The following MX1 variants were observed in gnomAD, a reference collection of about 807,000 sequenced individuals.
MX1 encodes interferon-induced GTP-binding protein Mx1.
Under a neutral mutation model 66.4 loss-of-function variants are expected in MX1, and 66 were observed. The observed-to-expected ratio is 0.99, with a 90% CI of 0.82 to 1.22. The LOEUF (loss-of-function observed/expected upper bound fraction) is 1.22, where lower values mean the gene tolerates loss of function less well. Ranked by LOEUF, MX1 falls within the 50% of genes most tolerant of loss-of-function variation. The pLI, the probability that MX1 is intolerant of heterozygous loss-of-function variation, is 0.00. For synonymous variants in MX1, 311 were observed against 318.1 expected (o/e 0.98, Z 0.24); for missense variants, 787 against 834.3 (o/e 0.94, Z 0.70).
chr21:41,438,411 T>C (rs2090420923), intron 7 of MX1, among the ~76,000 whole-genome samples: 1 of 152,212 alleles, frequency 6.6e-6, no homozygotes, highest in South Asian at 2.1e-4. Context: ...CTAGCTGGGC[T>C]GGGGCTGATG....
intron 7 of MX1, among the ~76,000 whole-genome samples, chr21:41,438,315 G>A (rs1296651474): frequency 6.6e-6 from 1 of 152,260 alleles, no homozygotes; most frequent in Non-Finnish European, 1.5e-5. Flanking sequence ...AGCCCTTGCT[G>A]TATAACAAAC....
chr21:41,429,236 C>G (rs1233984589), intron 3 of MX1: 2 of 152,220 alleles, frequency 1.3e-5, no homozygotes, highest in Non-Finnish European at 2.9e-5. Flanking sequence ...GATTGCCCTG[C>G]CCCTGAAATC....
rs545554440 is a variant in MX1 at position 41,435,950 on chromosome 21, C to T, written c.219C>T (p.Ile73=). 2.2e-5 allele frequency: 36 copies of T among 1,614,134 alleles called. No individual in the cohort carries two copies. Among genetic ancestry groups the T allele is most frequent in the Non-Finnish European group, 2.8e-5 (33 of 1,180,046 alleles). Residue 73 remains isoleucine, a synonymous_variant, in exon 6 of 17, where the codon ATC becomes ATT. Coordinates refer to ENST00000398598, the MANE Select transcript of MX1 (RefSeq NM_002462.5). ...AGCAGGACCTGGCCCTGCCAGCCAT[C>T]GCCGTCATCGGGGACCAGAGCTCGG... is the stretch of plus-strand genomic sequence containing the variant. ...GVEQDLALPA[I]AVIGDQSSGK... is the part of the protein sequence containing the mutation.
chr21:41,444,318 C>CTTTTTTTTTTTTTTTTTTTTTT (rs11317486), intron 11 of MX1, among the ~76,000 whole-genome samples: 1 of 71,526 alleles, frequency 1.4e-5, no homozygotes, highest in Admixed American at 2.0e-4. Flanking sequence ...TCTTTTCTTT[C>CTTTTTTTTTTTTTTTTTTTTTT]TTTTTTTTTT....
upstream of MX1, among the ~76,000 whole-genome samples, chr21:41,423,875 A>G (rs552759969): frequency 6.6e-6 from 1 of 152,216 alleles, no homozygotes; most frequent in South Asian, 2.1e-4. Flanking sequence ...CATTGCACCA[A>G]CTGGGAGTGA....
chr21:41,445,838 A>G (rs2090646112), intron 12 of MX1, 162 bp from the exon 13 acceptor site: 2 of 945,298 alleles, frequency 2.1e-6, no homozygotes, highest in African/African-American at 1.7e-5. Flanking sequence ...GGGGTGGGAT[A>G]GGATTTTCTA....
chr21:41,436,604 G>A (rs1327431236), intron 6 of MX1, among the ~76,000 whole-genome samples: 2 of 152,200 alleles, frequency 1.3e-5, no homozygotes, highest in East Asian at 3.8e-4. Context: ...GTTTACAGTA[G>A]GAGGACTGTT....
At chr21:41,455,868 A>G (rs574011502) in intron 16 of MX1, among the ~76,000 whole-genome samples, 2 of 152,364 alleles carry the variant, frequency 1.3e-5, no homozygotes, top group Admixed American at 1.3e-4. Context: ...ATGTATCTGG[A>G]AGCATCAATT....
chr21:41,446,084 A>G lies in MX1; in HGVS notation c.1216A>G (p.Arg406Gly), dbSNP rs997535288. ...GGAGGAAGACATTCGGCTGTTTACC[A>G]GACTCCGACACGAGTTCCACAAATG... ...VGEEDIRLFT[R>G]LRHEFHKWST... Residue 406 changes from arginine (R) to glycine (G), a missense_variant, in exon 13 of 17, where the codon AGA becomes GGA. Transcript: ENST00000398598. 3.1e-6 allele frequency: 5 copies of G among 1,614,224 alleles called. No individual in the cohort carries two copies. Among genetic ancestry groups the G allele is most frequent in the Non-Finnish European group, 4.2e-6 (5 of 1,180,034 alleles).
At chr21:41,425,629 A>T (rs1238028153), upstream of MX1, among the ~76,000 whole-genome samples, 1 of 152,004 alleles carries the variant, frequency 6.6e-6, no homozygotes, top group East Asian at 1.9e-4. Flanking sequence ...TTACTATTTT[A>T]TTTATTTTAT....
Position 41,452,794 on chromosome 21 carries a change from T to G in MX1, c.1683T>G (p.Phe561Leu), listed in dbSNP as rs769240669. The G allele has an allele frequency of 1.7e-5, 28 of 1,614,038 alleles. No homozygotes were observed. Among genetic ancestry groups the G allele is most frequent in the African/African-American group, 2.7e-5 (2 of 74,906 alleles). ...AAAAGAAGAAGAAATCCTGGGATTTTGGGGCTTTCCAGTCCAGCTCGGCAA... is the reference window on the plus strand; with the variant it reads ...AAAAGAAGAAGAAATCCTGGGATTTGGGGGCTTTCCAGTCCAGCTCGGCAA... Reference protein sequence around the residue: ...EEEKKKKSWDFGAFQSSSATD... With the variant: ...EEEKKKKSWDLGAFQSSSATD... The change falls in exon 16 of 17, where the codon TTT (phenylalanine) becomes TTG (leucine). Residue 561 changes from phenylalanine (F) to leucine (L), a missense_variant. Coordinates refer to ENST00000398598, the MANE Select transcript of MX1 (RefSeq NM_002462.5).
At chr21:41,421,049 AT>A (rs1372248017) in intron 1 of MX1, among the ~76,000 whole-genome samples, 1 of 152,238 alleles carries the variant, frequency 6.6e-6, no homozygotes, top group African/African-American at 2.4e-5. Context: ...TTTATTGATC[AT>A]TTGTGGGTGT....
rs78684325 is a variant in MX1 at position 41,432,197 on chromosome 21, G to A, written c.105+22G>A. 7.9e-4 allele frequency: 1,277 copies of A among 1,608,324 alleles called. 9 individuals are homozygous for A. The East Asian group carries it at 0.023, about 30-fold the overall frequency. The stretch of plus-strand genomic sequence containing the variant: ...CTCGGTAAGTTGCTCTCTGAAAGTC[G>A]CTATCCATGTGACATGAGCCATGCC... On this transcript the variant is annotated intron_variant, in intron 5 of 16. Coordinates refer to ENST00000398598, the MANE Select transcript of MX1 (RefSeq NM_002462.5).
At position 41,446,085 on chromosome 21, in the gene MX1, G is replaced by C; in HGVS notation, c.1217G>C (p.Arg406Thr). 6.2e-7 allele frequency: 1 copy of C among 1,614,190 alleles called. No homozygotes were observed. Among genetic ancestry groups the C allele is most frequent in the Non-Finnish European group, 8.5e-7 (1 of 1,180,034 alleles). The change falls in exon 13 of 17, where the codon AGA becomes ACA. Residue 406 changes from arginine (R) to threonine (T), a missense_variant. Physicochemically the swap from Arg to Thr is moderately conservative, Grantham distance 71 (BLOSUM62 -1). Coordinates refer to ENST00000398598, the MANE Select transcript of MX1 (RefSeq NM_002462.5). ...GAGGAAGACATTCGGCTGTTTACCA[G>C]ACTCCGACACGAGTTCCACAAATGG... The part of the protein sequence containing the change: ...VGEEDIRLFT[R>T]LRHEFHKWST...
chr21:41,455,113 T>A (rs2090927557), intron 16 of MX1, among the ~76,000 whole-genome samples: 1 of 152,118 alleles, frequency 6.6e-6, no homozygotes, highest in African/African-American at 2.4e-5. Context: ...TTTTACCATG[T>A]TGGCCAGGCT....
intron 16 of MX1, among the ~76,000 whole-genome samples, chr21:41,457,254 G>T (rs114556861): frequency 6.6e-6 from 1 of 152,160 alleles, no homozygotes; most frequent in Non-Finnish European, 1.5e-5. Flanking sequence ...TGTTGCAGAC[G>T]ATCTACATTT....
At chr21:41,426,088 G>C (rs1165640535), upstream of MX1, 1 of 171,580 alleles carries the variant, frequency 5.8e-6, no homozygotes, top group Non-Finnish European at 1.2e-5. Flanking sequence ...GCGAGTTCCC[G>C]CGAGGCAAGT....
intron 10 of MX1, among the ~76,000 whole-genome samples, chr21:41,442,296 C>T (rs1179531489): frequency 1.3e-5 from 2 of 152,072 alleles, no homozygotes; most frequent in South Asian, 4.1e-4. Context: ...ATGATAAATG[C>T]AGCATTTCAA....
chr21:41,439,552 ATC>A, intron 7 of MX1, 140 bp from the exon 8 acceptor site: 1 of 820,908 alleles, frequency 1.2e-6, no homozygotes, highest in Non-Finnish European at 2.0e-6. Flanking sequence ...TTTTATCCCA[ATC>A]ACAGAAAATT....
Sources: gnomAD v4.1 joint callset for allele counts (sites outside exome capture counted in the v4.1 genomes callset) on GRCh38, gnomAD v4.1.1 for gene constraint, MANE v1.5 for transcripts, NCBI Gene and HGNC (gene_info 2026-07-23, HGNC 2026-07-21) for gene names.